The following B3GNT5 variants were observed in gnomAD, a reference collection of about 807,000 sequenced individuals.
The protein encoded by B3GNT5 is lactosylceramide 1,3-N-acetyl-beta-D-glucosaminyltransferase.
Under a neutral mutation model 25.9 loss-of-function variants are expected in B3GNT5, and 11 were observed. That is an observed-to-expected ratio of 0.42 (90% CI 0.27 to 0.70). The LOEUF (loss-of-function observed/expected upper bound fraction) is 0.70. Ranked by LOEUF, B3GNT5 falls within the 30% of genes least tolerant of loss-of-function variation. The pLI, the probability that B3GNT5 is intolerant of heterozygous loss-of-function variation, is 0.23. For synonymous variants in B3GNT5, 166 were observed against 158.6 expected (o/e 1.05, Z -0.35); for missense variants, 385 against 458.4 (o/e 0.84, Z 1.46).
intron 1 of B3GNT5, among the ~76,000 whole-genome samples, chr3:183,261,963 A>T (rs1406248462): frequency 4.2e-5 from 5 of 119,532 alleles, no homozygotes; most frequent in Admixed American, 7.7e-5. Context: ...TCCAGCATTA[A>T]AAAAAAAAAA....
At chr3:183,261,167 C>G (rs917692077) in intron 1 of B3GNT5, among the ~76,000 whole-genome samples, 1 of 152,114 alleles carries the variant, frequency 6.6e-6, no homozygotes, top group Non-Finnish European at 1.5e-5. Flanking sequence ...TTTCTTAACA[C>G]CGATTATTGT....
chr3:183,255,481 G>T lies in B3GNT5; in HGVS notation c.-302+2009G>T, dbSNP rs1365886137. 2.0e-5 allele frequency among the ~76,000 whole-genome samples: 3 copies of T among 152,012 alleles called. No homozygotes were observed. In the East Asian group the frequency reaches 5.8e-4, roughly 29 times the overall value. ...CACTCTTCCTTATCCTCCCGCACAC[G>T]CTCTGAGCATTGACTGAGCACTCTG... On this transcript the variant is annotated intron_variant, in intron 1 of 1. Transcript: ENST00000326505.
intron 1 of B3GNT5, among the ~76,000 whole-genome samples, chr3:183,256,762 T>C (rs886175232): frequency 1.3e-5 from 2 of 152,236 alleles, no homozygotes; most frequent in Non-Finnish European, 2.9e-5. Flanking sequence ...AGTTTCCTTC[T>C]CTTACTTTAG....
chr3:183,255,619 A>G (rs1298155240), intron 1 of B3GNT5, among the ~76,000 whole-genome samples: 2 of 152,192 alleles, frequency 1.3e-5, no homozygotes, highest in Non-Finnish European at 2.9e-5. Context: ...TTCCTGAGAA[A>G]GTGGGAGATG....
chr3:183,272,729 ATAAT>A lies in B3GNT5; in HGVS notation c.*1800_*1803del. On this transcript the variant is annotated 3_prime_UTR_variant, in exon 2 of 2. Transcript: ENST00000326505. The stretch of plus-strand genomic sequence containing the variant: ...GCATATTTGACCAAGCAACAAGCTT[ATAAT>A]TAATTTTTATTAGTTGATTGATTAA... 9.7e-7 allele frequency: 1 copy of A among 1,035,488 alleles called. No individual in the cohort carries two copies. The highest frequency in any genetic ancestry group is 4.5e-5 in the South Asian group (1 of 22,238). The allele number at this position is 1,035,488 out of a possible 1,614,324, so 64.1% of individuals were successfully genotyped here.
chr3:183,258,577 A>G (rs1265905947), intron 1 of B3GNT5, among the ~76,000 whole-genome samples: 1 of 152,266 alleles, frequency 6.6e-6, no homozygotes, highest in Non-Finnish European at 1.5e-5. Flanking sequence ...TTCACAGAGC[A>G]CCTGGTTTGG....
chr3:183,259,726 G>A (rs1227726813), intron 1 of B3GNT5, among the ~76,000 whole-genome samples: 1 of 151,854 alleles, frequency 6.6e-6, no homozygotes, highest in African/African-American at 2.4e-5. Context: ...ACCCTCCTGC[G>A]ACTTTGGATC....
intron 1 of B3GNT5, among the ~76,000 whole-genome samples, chr3:183,258,678 C>T (rs2108409040): frequency 6.6e-6 from 1 of 152,292 alleles, no homozygotes; most frequent in Middle Eastern, 3.4e-3. Flanking sequence ...GCTCAAGTCC[C>T]TTATATAAAA....
At chr3:183,269,463 C>T (rs779651010) in intron 1 of B3GNT5, 35 bp from the exon 2 acceptor site, 21 of 229,024 alleles carry the variant, frequency 9.2e-5, no homozygotes, top group South Asian at 1.8e-4. Flanking sequence ...GTAACCCACG[C>T]GATTGTGATT....
chr3:183,270,719 T>C lies in B3GNT5; in HGVS notation c.921T>C (p.Gly307=). 2 of 1,613,744 alleles carry C rather than the reference T, an allele frequency of 1.2e-6. No homozygotes were observed. The highest frequency in any genetic ancestry group is 1.7e-6 in the Non-Finnish European group (2 of 1,179,888). ...PQDHVFFSGE[G]KTPYHPCIYE... The stretch of plus-strand genomic sequence containing the variant: ...ACCATGTGTTTTTTTCTGGAGAGGG[T>C]AAAACTCCTTATCATCCCTGCATCT... Residue 307 remains glycine, a synonymous_variant, in exon 2 of 2, where the codon GGT becomes GGC. Transcript: ENST00000326505. This position sits in a 1 kb window ranked among gnomAD's most constrained non-coding sequence, Gnocchi z 4.5.
chr3:183,270,835 A>G lies in B3GNT5; in HGVS notation c.1037A>G (p.Lys346Arg). The change falls in exon 2 of 2, where the codon AAA (lysine) becomes AGA (arginine). Residue 346 changes from lysine (K) to arginine (R), a missense_variant. Transcript: ENST00000326505. The surrounding 1 kb of genome is among the most constrained non-coding windows in gnomAD (Gnocchi z 4.5). ...ATDPKVKTIS[K>R]GFFGQIYCRL... ...GATCCTAAAGTAAAAACCATTTCCAAAGGTTTTTTTGGTCAAATATACTGC... is the reference window on the plus strand; with the variant it reads ...GATCCTAAAGTAAAAACCATTTCCAGAGGTTTTTTTGGTCAAATATACTGC... The G allele has an allele frequency of 3.1e-6, 5 of 1,613,894 alleles. No individual in the cohort carries two copies. Among genetic ancestry groups the G allele is most frequent in the Middle Eastern group, 1.6e-4 (1 of 6,062 alleles).
At position 183,267,593 on chromosome 3, in the gene B3GNT5, G is replaced by A. The variant is rs1726279730; in HGVS notation, c.-301-1905G>A. On this transcript the variant is annotated intron_variant, in intron 1 of 1. Coordinates refer to ENST00000326505, the MANE Select transcript of B3GNT5 (RefSeq NM_032047.5). The surrounding 1 kb of genome is among the most constrained non-coding windows in gnomAD (Gnocchi z 5.5). ...GGGCCTTTGCCCTGGGGCTTGCTAT[G>A]TGGCTCAGCCTACACGGCTCTCTCC... is the stretch of plus-strand genomic sequence containing the variant. Among the ~76,000 whole-genome samples the A allele has an allele frequency of 6.6e-6, 1 of 152,108 alleles. No homozygotes were observed. Among genetic ancestry groups the A allele is most frequent in the Admixed American group, 6.5e-5 (1 of 15,282 alleles).
intron 1 of B3GNT5, among the ~76,000 whole-genome samples, chr3:183,265,079 A>G (rs1037276336): frequency 6.6e-6 from 1 of 151,974 alleles, no homozygotes; most frequent in African/African-American, 2.4e-5. Flanking sequence ...TGCTTTTTCT[A>G]TTTCCTATTT....
rs1443038766 is a variant in B3GNT5, at chr3:183,269,481, C to G, written c.-301-17C>G. On this transcript the variant is annotated splice_polypyrimidine_tract_variant and intron_variant, in intron 1 of 1. Coordinates refer to ENST00000326505, the MANE Select transcript of B3GNT5 (RefSeq NM_032047.5). ...ACCCACGCGATTGTGATTCTTTTCT[C>G]TTCTTGACTGTGATAGGTGGCATGG... The G allele has an allele frequency of 7.5e-6, 2 of 265,086 alleles. No homozygotes were observed. Among genetic ancestry groups the G allele is most frequent in the Non-Finnish European group, 1.4e-5 (2 of 141,516 alleles). The allele number at this position is 265,086 out of a possible 1,614,324, so 16.4% of individuals were successfully genotyped here.
At chr3:183,253,670 C>T (rs1724722268) in intron 1 of B3GNT5, 198 bp downstream of exon 1, 1 of 152,454 alleles carries the variant, frequency 6.6e-6, no homozygotes, top group Admixed American at 6.5e-5. Context: ...AGCTCCCGCT[C>T]GGAAAGTAAA....
At chr3:183,261,532 C>T (rs193268129) in intron 1 of B3GNT5, among the ~76,000 whole-genome samples, 9 of 152,058 alleles carry the variant, frequency 5.9e-5, no homozygotes, top group East Asian at 5.8e-4. Context: ...TGTGACTCAC[C>T]GGAGGAGCCT....
chr3:183,254,493 C>T (rs1724844437), intron 1 of B3GNT5: 1 of 152,238 alleles, frequency 6.6e-6, no homozygotes, highest in East Asian at 1.9e-4. Context: ...GGCCGCCGCC[C>T]AGGTGCGGCA....
intron 1 of B3GNT5, among the ~76,000 whole-genome samples, chr3:183,263,679 A>C (rs73884616): frequency 6.6e-5 from 10 of 151,980 alleles, no homozygotes; most frequent in Admixed American, 1.3e-4. Context: ...CTCGTCTTAG[A>C]TTATTACCCC....
chr3:183,254,615 G>A (rs1424439906), intron 1 of B3GNT5: 1 of 152,184 alleles, frequency 6.6e-6, no homozygotes, highest in Non-Finnish European at 1.5e-5. Context: ...GTGCGCGGGA[G>A]CCGCGAGGCG....
Sources: allele counts gnomAD v4.1 joint callset (sites outside exome capture counted in the v4.1 genomes callset), GRCh38; gene constraint gnomAD v4.1.1; non-coding constraint Gnocchi (gnomAD v3.1); transcripts MANE v1.5; gene names NCBI Gene and HGNC (gene_info 2026-07-23, HGNC 2026-07-21).